MARCHF1: variants seen among roughly 807,000 people sequenced by gnomAD.
The protein encoded by MARCHF1 is membrane associated ring-CH-type finger 1, also known as E3 ubiquitin-protein ligase MARCHF1.
Under a neutral mutation model 54.2 loss-of-function variants are expected in MARCHF1, and 40 were observed. The observed-to-expected ratio is 0.74, with a 90% CI of 0.57 to 0.96. MARCHF1 has a LOEUF of 0.96. Among genes scored for constraint, MARCHF1 ranks in the 40% least tolerant of loss-of-function variants. The pLI, the probability that MARCHF1 is intolerant of heterozygous loss-of-function variation, is 0.00. For missense variants in MARCHF1, 586 were observed against 656.5 expected (o/e 0.89, Z 1.17); for synonymous variants, 236 against 236.3 (o/e 1.00, Z 0.01).
intron 3 of MARCHF1, among the ~76,000 whole-genome samples, chr4:163,965,145 T>C (rs1239968205): frequency 6.6e-6 from 1 of 151,934 alleles, no homozygotes; most frequent in Admixed American, 6.6e-5. Context: ...TAACTTGAAC[T>C]GGGAATAATG....
intron 1 of MARCHF1, among the ~76,000 whole-genome samples, chr4:164,293,224 GA>G (rs933337320): frequency 6.1e-4 from 90 of 147,528 alleles, no homozygotes; most frequent in African/African-American, 1.4e-3. Context: ...TTAGCATGTG[GA>G]AAAAAAAAAA....
At chr4:163,998,204 A>G (rs1465245656) in intron 2 of MARCHF1, among the ~76,000 whole-genome samples, 1 of 151,464 alleles carries the variant, frequency 6.6e-6, no homozygotes, top group African/African-American at 2.4e-5. Flanking sequence ...ATTAGATATT[A>G]TATCATTTTT....
At chr4:163,751,834 G>T (rs1746531364) in intron 4 of MARCHF1, among the ~76,000 whole-genome samples, 1 of 151,974 alleles carries the variant, frequency 6.6e-6, no homozygotes, top group African/African-American at 2.4e-5. Context: ...GTGTGATGAG[G>T]AAATTCCCCA....
At chr4:164,327,586 C>T (rs1456275757) in intron 1 of MARCHF1, among the ~76,000 whole-genome samples, 1 of 152,142 alleles carries the variant, frequency 6.6e-6, no homozygotes, top group African/African-American at 2.4e-5. Context: ...ATGACATGCT[C>T]AGTCACCCCT....
chr4:164,036,736 T>C (rs1474320002), intron 2 of MARCHF1, among the ~76,000 whole-genome samples: 1 of 152,046 alleles, frequency 6.6e-6, no homozygotes, highest in African/African-American at 2.4e-5. Flanking sequence ...AATTAAAATC[T>C]CAATGTCATA....
At chr4:163,540,750 G>T (rs1277382335) in intron 9 of MARCHF1, among the ~76,000 whole-genome samples, 1 of 152,164 alleles carries the variant, frequency 6.6e-6, no homozygotes, top group African/African-American at 2.4e-5. Context: ...GGCTGGGTGC[G>T]GTGGCTCACG....
At chr4:163,616,999 C>T (rs934856854) in intron 5 of MARCHF1, among the ~76,000 whole-genome samples, 3 of 152,028 alleles carry the variant, frequency 2.0e-5, no homozygotes, top group Non-Finnish European at 4.4e-5. Flanking sequence ...GATATAGACT[C>T]AATCTAAATG....
chr4:163,777,391 C>A (rs1245658673), intron 4 of MARCHF1, among the ~76,000 whole-genome samples: 2 of 152,150 alleles, frequency 1.3e-5, no homozygotes, highest in African/African-American at 4.8e-5. Flanking sequence ...GATGTCTGCA[C>A]TGGAACATTT....
intron 1 of MARCHF1, among the ~76,000 whole-genome samples, chr4:164,185,055 A>T (rs915242036): frequency 6.6e-6 from 1 of 152,218 alleles, no homozygotes; most frequent in African/African-American, 2.4e-5. Flanking sequence ...ACAAAATTTT[A>T]AAAATGTGCA....
At chr4:164,175,125 T>C (rs1294402156) in intron 1 of MARCHF1, among the ~76,000 whole-genome samples, 2 of 152,208 alleles carry the variant, frequency 1.3e-5, no homozygotes, top group East Asian at 3.8e-4. Context: ...AATTTTCTCA[T>C]CTTTATAGTA....
chr4:163,871,993 G>T (rs1750179068), intron 3 of MARCHF1, among the ~76,000 whole-genome samples: 2 of 152,122 alleles, frequency 1.3e-5, no homozygotes, highest in Non-Finnish European at 2.9e-5. Flanking sequence ...TCAAGATGTA[G>T]CTTCAAGTAT....
chr4:163,714,024 A>T (rs943196219), intron 4 of MARCHF1, among the ~76,000 whole-genome samples: 1 of 152,234 alleles, frequency 6.6e-6, no homozygotes, highest in African/African-American at 2.4e-5. Context: ...TTGAAATTAT[A>T]AATCAGTTCA....
At chr4:163,871,463 C>G (rs964394184) in intron 3 of MARCHF1, among the ~76,000 whole-genome samples, 3 of 152,052 alleles carry the variant, frequency 2.0e-5, no homozygotes, top group African/African-American at 7.2e-5. Context: ...ACTAAGTACC[C>G]CCCCACTAAG....
chr4:163,565,597 TGTTAGAAAA>T (rs1739619988), intron 8 of MARCHF1, among the ~76,000 whole-genome samples: 1 of 152,134 alleles, frequency 6.6e-6, no homozygotes, highest in Non-Finnish European at 1.5e-5. Context: ...TCATGAACCT[TGTTAGAAAA>T]GATGAAAAAA....
chr4:164,160,343 A>G (rs976135376), intron 1 of MARCHF1, among the ~76,000 whole-genome samples: 3 of 152,108 alleles, frequency 2.0e-5, no homozygotes, highest in African/African-American at 7.2e-5. Flanking sequence ...ATGTGACTCT[A>G]CTGAATGCTA....
At chr4:163,753,324 G>A (rs1181207252) in intron 4 of MARCHF1, among the ~76,000 whole-genome samples, 2 of 151,724 alleles carry the variant, frequency 1.3e-5, no homozygotes, top group Non-Finnish European at 2.9e-5. Flanking sequence ...ACTCCAAATG[G>A]TTTTACTGTA....
At chr4:164,070,273 A>G (rs533578105) in intron 2 of MARCHF1, among the ~76,000 whole-genome samples, 51 of 152,344 alleles carry the variant, frequency 3.3e-4, no homozygotes, top group African/African-American at 9.1e-4. Context: ...GTCATGACAC[A>G]ATGTTAAATG....
chr4:164,086,394 G>A (rs1290846390), intron 2 of MARCHF1, among the ~76,000 whole-genome samples: 3 of 151,800 alleles, frequency 2.0e-5, no homozygotes, highest in Non-Finnish European at 4.4e-5. Flanking sequence ...TTTATTTAAT[G>A]ATATATAAAT....
At chr4:164,072,512 G>A (rs1469877030) in intron 2 of MARCHF1, among the ~76,000 whole-genome samples, 3 of 151,978 alleles carry the variant, frequency 2.0e-5, no homozygotes, top group Non-Finnish European at 4.4e-5. Flanking sequence ...AGTGAGCCAG[G>A]ATTATGCCAC....
Sources: allele counts gnomAD v4.1 joint callset (sites outside exome capture counted in the v4.1 genomes callset), GRCh38; gene constraint gnomAD v4.1.1; transcripts MANE v1.5; gene names NCBI Gene and HGNC (gene_info 2026-07-23, HGNC 2026-07-21).